CTSB: variants seen among roughly 807,000 people sequenced by gnomAD.
The protein encoded by CTSB is cathepsin B, also known as APP secretase.
CTSB carries 57 observed loss-of-function variants against 44.3 expected under a neutral mutation model. The ratio of observed to expected loss-of-function variants is 1.29; its 90% CI spans 1.04 to 1.60. The LOEUF (loss-of-function observed/expected upper bound fraction) is 1.60. Among genes scored for constraint, CTSB ranks in the 40% most tolerant of loss-of-function variants. The pLI, the probability that CTSB is intolerant of heterozygous loss-of-function variation, is 0.00. For missense variants in CTSB, 768 were observed against 443.0 expected (o/e 1.73, Z -6.59); for synonymous variants, 320 against 168.0 (o/e 1.91, Z -7.00).
At chr8:11,854,855 T>G (rs1294971623) in intron 1 of CTSB, 1 of 152,260 alleles carries the variant, frequency 6.6e-6, no homozygotes, top group Non-Finnish European at 1.5e-5. Context: ...GTGATGCTCA[T>G]CAGCACAGCA....
At chr8:11,864,712 T>G (rs1178454520) in intron 1 of CTSB, among the ~76,000 whole-genome samples, 1 of 151,926 alleles carries the variant, frequency 6.6e-6, no homozygotes, top group East Asian at 1.9e-4. Context: ...ATCCCAACAC[T>G]TTGGGAGGCG....
chr8:11,847,979 C>T (rs947854558), intron 6 of CTSB, 88 bp downstream of exon 6: 28 of 1,369,866 alleles, frequency 2.0e-5, no homozygotes, highest in Non-Finnish European at 2.6e-5. Context: ...CTGTCTCAAC[C>T]CCCAGTTTAT....
chr8:11,846,963 C>T, intron 8 of CTSB, 89 bp downstream of exon 8: 1 of 749,400 alleles, frequency 1.3e-6, no homozygotes, highest in South Asian at 1.5e-5. Context: ...CCTGCCCAAT[C>T]CAGCCCTATT....
intron 4 of CTSB, 137 bp from the exon 5 acceptor site, chr8:11,849,301 C>G (rs1814092463): frequency 1.7e-6 from 1 of 586,970 alleles, no homozygotes; most frequent in African/African-American, 1.9e-5. Flanking sequence ...GCTCCTGGGG[C>G]TCAAACTCAG....
rs529418411 is a variant in CTSB at position 11,847,754 on chromosome 8, C to G, written c.601G>C (p.Glu201Gln). Residue 201 changes from glutamate (E) to glutamine (Q), a missense_variant, in exon 7 of 10, where the codon GAG becomes CAG. Glu to Gln is a conservative substitution (Grantham distance 29). Transcript: ENST00000353047. ...VNGSRPPCTG[E>Q]GDTPKCSKIC... is the part of the protein sequence containing the mutation. ...TTGCTACACTTGGGGGTATCTCCCT[C>G]CCCCGTGCATGGGGGCCGGGAGCCG... 13 of 1,601,554 alleles carry G rather than the reference C, an allele frequency of 8.1e-6. No homozygotes were observed. The highest frequency in any genetic ancestry group is 1.0e-5 in the Non-Finnish European group (12 of 1,176,112).
chr8:11,847,540 G>T, intron 7 of CTSB, 139 bp downstream of exon 7: 1 of 916,362 alleles, frequency 1.1e-6, no homozygotes, highest in Non-Finnish European at 1.6e-6. Context: ...CTGGCAAGAG[G>T]GCATCACTCC....
chr8:11,862,268 T>G (rs1007736237), intron 1 of CTSB: 1 of 151,342 alleles, frequency 6.6e-6, no homozygotes, highest in Non-Finnish European at 1.5e-5. Flanking sequence ...TTTTCCTCCC[T>G]TGGGGCCCTG....
Position 11,848,129 on chromosome 8 carries a change from TCAG to T in CTSB, c.467_469del (p.Ala156del), listed in dbSNP as rs754606240. The stretch of plus-strand genomic sequence containing the variant: ...TTTTCTTGTCCAGAAGTTCCAAGCT[TCAG>T]CAGGATAGCCACCATTACAGCTGAA... On this transcript the variant is annotated inframe_deletion, in exon 6 of 10. Transcript: ENST00000353047. 6.2e-7 allele frequency: 1 copy of T among 1,614,022 alleles called. No individual in the cohort carries two copies. Among genetic ancestry groups the T allele is most frequent in the African/African-American group, 1.3e-5 (1 of 74,910 alleles).
intron 4 of CTSB, chr8:11,849,426 G>C (rs375071573): frequency 2.2e-5 from 7 of 318,776 alleles, no homozygotes; most frequent in East Asian, 1.2e-4. Context: ...GATTAGAGGC[G>C]TGATGAGCCA....
chr8:11,863,457 CA>C (rs200512570), intron 1 of CTSB, among the ~76,000 whole-genome samples: 24 of 144,898 alleles, frequency 1.7e-4, no homozygotes, highest in Admixed American at 7.6e-4. Context: ...GACTCCGTTT[CA>C]AAAAAAAAAC....
intron 2 of CTSB, among the ~76,000 whole-genome samples, chr8:11,852,956 C>G (rs776169864): frequency 3.3e-5 from 5 of 152,080 alleles, no homozygotes; most frequent in African/African-American, 7.2e-5. Context: ...GTTCTCAGTC[C>G]GAGGGTCAGG....
chr8:11,855,409 T>C (rs1292555223), intron 1 of CTSB, among the ~76,000 whole-genome samples: 1 of 152,174 alleles, frequency 6.6e-6, no homozygotes, highest in African/African-American at 2.4e-5. Context: ...ATAATCCCAG[T>C]ACTTTGGGAG....
At chr8:11,865,132 C>G (rs1816941777) in intron 1 of CTSB, among the ~76,000 whole-genome samples, 1 of 152,164 alleles carries the variant, frequency 6.6e-6, no homozygotes, top group South Asian at 2.1e-4. Flanking sequence ...ACATGCCTCC[C>G]CTAGACTCAA....
intron 1 of CTSB, among the ~76,000 whole-genome samples, chr8:11,855,928 G>C (rs1028840508): frequency 1.3e-5 from 2 of 152,172 alleles, no homozygotes; most frequent in African/African-American, 2.4e-5. Context: ...TGAGACAGGA[G>C]AATTGCTTCA....
chr8:11,860,313 C>T (rs896307533), intron 1 of CTSB, among the ~76,000 whole-genome samples: 3 of 151,954 alleles, frequency 2.0e-5, no homozygotes, highest in African/African-American at 7.3e-5. Context: ...TGGCTCCTCT[C>T]ATAGTCAGCT....
intron 8 of CTSB, 37 bp from the exon 9 acceptor site, chr8:11,845,826 C>T (rs750669204): frequency 6.3e-7 from 1 of 1,580,844 alleles, no homozygotes. Flanking sequence ...CGAGACCGGG[C>T]CACTGTCCCA....
At chr8:11,845,329 G>T in intron 9 of CTSB, 107 bp from the exon 10 acceptor site, 2 of 858,936 alleles carry the variant, frequency 2.3e-6, no homozygotes, top group Admixed American at 2.1e-5. Context: ...CACTCCTGCT[G>T]TTGGCCCACT....
At chr8:11,858,661 G>C (rs1005239982) in intron 1 of CTSB, among the ~76,000 whole-genome samples, 11 of 152,174 alleles carry the variant, frequency 7.2e-5, no homozygotes, top group African/African-American at 2.4e-4. Context: ...AGGGTCCCGA[G>C]ACTGCTGAGA....
At chr8:11,851,419 G>A (rs1418403320) in intron 3 of CTSB, among the ~76,000 whole-genome samples, 2 of 151,998 alleles carry the variant, frequency 1.3e-5, no homozygotes, top group African/African-American at 2.4e-5. Context: ...TAAACTCCTG[G>A]CTTCAAATGA....
Sources: gnomAD v4.1 joint callset for allele counts (sites outside exome capture counted in the v4.1 genomes callset) on GRCh38, gnomAD v4.1.1 for gene constraint, MANE v1.5 for transcripts, NCBI Gene and HGNC (gene_info 2026-07-23, HGNC 2026-07-21) for gene names.